Variants in PARD3 observed in about 807,000 individuals in gnomAD.
PARD3 encodes par-3 family cell polarity regulator.
PARD3 carries 75 observed loss-of-function variants against 155.4 expected under a neutral mutation model. The ratio of observed to expected loss-of-function variants is 0.48; its 90% CI spans 0.40 to 0.58. PARD3 has a LOEUF of 0.58. PARD3 is among the 20% of genes least tolerant of loss of function. The pLI, the probability that PARD3 is intolerant of heterozygous loss-of-function variation, is 0.00. For missense variants in PARD3, 1,642 were observed against 1,721.7 expected (o/e 0.95, Z 0.82); for synonymous variants, 576 against 610.5 (o/e 0.94, Z 0.83).
At chr10:34,277,844 C>T (rs1955961694) in intron 21 of PARD3, among the ~76,000 whole-genome samples, 1 of 152,128 alleles carries the variant, frequency 6.6e-6, no homozygotes, top group African/African-American at 2.4e-5. Context: ...TGCCCACTTT[C>T]CATAAGCCTT....
At chr10:34,240,659 A>G (rs1006134677) in intron 22 of PARD3, among the ~76,000 whole-genome samples, 2 of 151,972 alleles carry the variant, frequency 1.3e-5, no homozygotes, top group Non-Finnish European at 2.9e-5. Context: ...AAGAAACAGG[A>G]AGCACCATAA....
At chr10:34,578,634 G>A (rs761845556) in intron 2 of PARD3, among the ~76,000 whole-genome samples, 4 of 152,204 alleles carry the variant, frequency 2.6e-5, no homozygotes, top group Admixed American at 1.3e-4. Flanking sequence ...AACTGAAGCT[G>A]TAGGTGGTCA....
chr10:34,164,140 G>A (rs1014709467), intron 22 of PARD3, among the ~76,000 whole-genome samples: 4 of 152,088 alleles, frequency 2.6e-5, no homozygotes, highest in Non-Finnish European at 5.9e-5. Flanking sequence ...GCTACTATGG[G>A]AATTCAAAAC....
At chr10:34,204,974 C>T (rs1295627392) in intron 22 of PARD3, among the ~76,000 whole-genome samples, 3 of 152,040 alleles carry the variant, frequency 2.0e-5, no homozygotes, top group Admixed American at 6.6e-5. Context: ...GACAGTCAAC[C>T]GTAATTAAGC....
intron 2 of PARD3, among the ~76,000 whole-genome samples, chr10:34,690,649 C>T (rs1161465925): frequency 6.6e-6 from 1 of 152,178 alleles, no homozygotes; most frequent in Non-Finnish European, 1.5e-5. Context: ...CAGGGCCAGG[C>T]ATATCCCAGA....
chr10:34,714,010 G>A (rs2094483602), intron 1 of PARD3, among the ~76,000 whole-genome samples: 2 of 152,086 alleles, frequency 1.3e-5, no homozygotes, highest in South Asian at 4.1e-4. Flanking sequence ...TCCAGCCTAA[G>A]AGAAGAAAGA....
At chr10:34,509,804 A>C (rs761992539) in intron 3 of PARD3, among the ~76,000 whole-genome samples, 12 of 152,106 alleles carry the variant, frequency 7.9e-5, no homozygotes, top group East Asian at 3.9e-4. Flanking sequence ...AAAACAACAA[A>C]AAAAAAGCAT....
At chr10:34,579,429 C>A (rs1267767738) in intron 2 of PARD3, among the ~76,000 whole-genome samples, 1 of 151,972 alleles carries the variant, frequency 6.6e-6, no homozygotes, top group African/African-American at 2.4e-5. Flanking sequence ...CCCAGGTGCC[C>A]TAGATGAACT....
chr10:34,579,921 A>T (rs1590095815), intron 2 of PARD3, among the ~76,000 whole-genome samples: 2 of 147,290 alleles, frequency 1.4e-5, no homozygotes, highest in South Asian at 4.4e-4. Flanking sequence ...AAAAAAAAAA[A>T]TAGTTTTTGA....
At chr10:34,537,921 T>C (rs982048474) in intron 2 of PARD3, among the ~76,000 whole-genome samples, 1 of 152,200 alleles carries the variant, frequency 6.6e-6, no homozygotes, top group Non-Finnish European at 1.5e-5. Flanking sequence ...AGGTTATTTA[T>C]AAATTGCTGC....
intron 20 of PARD3, among the ~76,000 whole-genome samples, chr10:34,294,921 A>G (rs1408397759): frequency 6.6e-6 from 1 of 152,116 alleles, no homozygotes; most frequent in Admixed American, 6.5e-5. Flanking sequence ...ACACAGAGAA[A>G]GCTGGGCATG....
chr10:34,287,176 C>A (rs1225191564), intron 20 of PARD3, among the ~76,000 whole-genome samples: 1 of 152,106 alleles, frequency 6.6e-6, no homozygotes, highest in East Asian at 1.9e-4. Flanking sequence ...GGAAGTTCTG[C>A]AACACTGAGG....
At chr10:34,555,437 C>A (rs1232068642) in intron 2 of PARD3, among the ~76,000 whole-genome samples, 1 of 152,000 alleles carries the variant, frequency 6.6e-6, no homozygotes, top group Non-Finnish European at 1.5e-5. Context: ...AATACAAAAT[C>A]TTTTATACTG....
rs59698806 is a variant in PARD3 at position 34,447,804 on chromosome 10, C to CAAAAAAAAAAAA, written c.714+2512_714+2513insTTTTTTTTTTTT. On this transcript the variant is annotated intron_variant, in intron 5 of 24. Transcript: ENST00000374788. ...TGAGCGACACAGCAAGACTCTGTCT[C>CAAAAAAAAAAAA]AAAAGAAAGAAAGAAAAAAAAGTCA... Among the ~76,000 whole-genome samples the CAAAAAAAAAAAA allele has an allele frequency of 6.5e-4, 93 of 143,560 alleles. 1 individual carries two copies. The South Asian group carries it at 6.6e-3, about 10-fold the overall frequency. The allele number at this position is 143,560 out of a possible 152,430, so 94.2% of individuals were successfully genotyped here. A position where few individuals can be genotyped will look rare whatever the true frequency, so the allele number is the denominator to read the frequency against.
chr10:34,712,409 T>C (rs2094461137), intron 1 of PARD3, among the ~76,000 whole-genome samples: 1 of 152,176 alleles, frequency 6.6e-6, no homozygotes, highest in African/African-American at 2.4e-5. Context: ...TCCTAATCCA[T>C]TCCATTCCTT....
At chr10:34,642,713 A>G (rs1245357500) in intron 2 of PARD3, among the ~76,000 whole-genome samples, 1 of 151,642 alleles carries the variant, frequency 6.6e-6, no homozygotes, top group Non-Finnish European at 1.5e-5. Flanking sequence ...CCCCCACGAG[A>G]GCCCTTCCAA....
At chr10:34,477,316 T>C (rs914528419) in intron 3 of PARD3, among the ~76,000 whole-genome samples, 1 of 152,192 alleles carries the variant, frequency 6.6e-6, no homozygotes, top group Non-Finnish European at 1.5e-5. Flanking sequence ...TCAAAGTATA[T>C]CCTCTGAAAT....
chr10:34,519,065 A>C (rs1157609299), intron 2 of PARD3, among the ~76,000 whole-genome samples: 1 of 152,192 alleles, frequency 6.6e-6, no homozygotes, highest in Non-Finnish European at 1.5e-5. Flanking sequence ...ACAAACCCAA[A>C]TTGAGGGATA....
At chr10:34,509,145 T>A (rs2133531039) in intron 3 of PARD3, among the ~76,000 whole-genome samples, 1 of 152,234 alleles carries the variant, frequency 6.6e-6, no homozygotes, top group East Asian at 1.9e-4. Context: ...TAATATACAC[T>A]CAAACTTATC....
Sources: gnomAD v4.1 joint callset for allele counts (sites outside exome capture counted in the v4.1 genomes callset) on GRCh38, gnomAD v4.1.1 for gene constraint, MANE v1.5 for transcripts, NCBI Gene and HGNC (gene_info 2026-07-23, HGNC 2026-07-21) for gene names.